Variants in MAP4K4 observed in about 807,000 individuals in gnomAD.
The protein encoded by MAP4K4 is HPK/GCK-like kinase HGK.
A neutral mutation model predicts 189.6 loss-of-function variants in MAP4K4; 38 were observed. The observed-to-expected ratio is 0.20, with a 90% confidence interval of 0.15 to 0.26. The LOEUF (loss-of-function observed/expected upper bound fraction) is 0.26, where lower values mean the gene tolerates loss of function less well. MAP4K4 is among the 10% of genes least tolerant of loss of function. The pLI, the probability that MAP4K4 is intolerant of heterozygous loss-of-function variation, is 1.00. For synonymous variants in MAP4K4, 610 were observed against 624.3 expected (o/e 0.98, Z 0.34); for missense variants, 1,054 against 1,726.9 (o/e 0.61, Z 6.91).
chr2:101,706,594 C>G (rs942673132), intron 2 of MAP4K4, among the ~76,000 whole-genome samples: 2 of 152,188 alleles, frequency 1.3e-5, no homozygotes, highest in African/African-American at 4.8e-5. Context: ...TTTCCAAATG[C>G]TTAATTTAAC....
At chr2:101,794,590 T>C (rs1487263117) in intron 3 of MAP4K4, among the ~76,000 whole-genome samples, 8 of 152,224 alleles carry the variant, frequency 5.3e-5, no homozygotes, top group Non-Finnish European at 1.2e-4. Context: ...ACCATGACAC[T>C]TCACCTGAAA....
intron 2 of MAP4K4, among the ~76,000 whole-genome samples, chr2:101,770,068 G>A (rs1430312015): frequency 6.6e-6 from 1 of 152,074 alleles, no homozygotes; most frequent in Non-Finnish European, 1.5e-5. Flanking sequence ...AGGAGGATGA[G>A]CTCACTTCAT....
At chr2:101,861,709 G>C (rs761313706) in intron 16 of MAP4K4, 1 of 152,150 alleles carries the variant, frequency 6.6e-6, no homozygotes, top group Non-Finnish European at 1.5e-5. Context: ...AACAAGCAAC[G>C]AAGATCATGG....
At chr2:101,785,726 CT>C (rs2090602625) in intron 2 of MAP4K4, among the ~76,000 whole-genome samples, 8 of 8,336 alleles carry the variant, frequency 9.6e-4, no homozygotes, top group South Asian at 4.2e-3. Flanking sequence ...CTCTCTCTCT[CT>C]CTCTCTCTCT....
intron 18 of MAP4K4, 105 bp from the exon 19 acceptor site, chr2:101,866,323 C>T (rs1468198727): frequency 2.8e-6 from 3 of 1,059,136 alleles, no homozygotes; most frequent in Admixed American, 2.6e-5. Context: ...TTTTGTCTCC[C>T]TACACTTTAA....
intron 2 of MAP4K4, among the ~76,000 whole-genome samples, chr2:101,735,591 A>G (rs1408605609): frequency 1.3e-5 from 2 of 152,162 alleles, no homozygotes; most frequent in African/African-American, 4.8e-5. Context: ...AGGTCAAGGC[A>G]AAAAGGTGGG....
chr2:101,781,683 A>T lies in MAP4K4; in HGVS notation c.124-9037A>T, dbSNP rs1033071384. ...AGGCCCCAGCTCCCAACACTGTTGC[A>T]TTGGTAATCAAGTTTTCAACACGTG... On this transcript the variant is annotated intron_variant, in intron 2 of 32. Coordinates refer to ENST00000324219, the Ensembl canonical transcript of MAP4K4. Among the ~76,000 whole-genome samples, 3 of 152,166 alleles carry T rather than the reference A, an allele frequency of 2.0e-5. No homozygotes were observed. The South Asian group carries it at 6.2e-4, about 32-fold the overall frequency.
intron 2 of MAP4K4, among the ~76,000 whole-genome samples, chr2:101,726,355 G>A (rs56380826): frequency 0.015 from 2,255 of 152,278 alleles, 63 homozygotes; most frequent in African/African-American, 0.051. Context: ...AGGCTAAGTG[G>A]TCTGTCATGG....
chr2:101,701,717 CTT>C (rs1394046116), intron 2 of MAP4K4, among the ~76,000 whole-genome samples: 1 of 152,102 alleles, frequency 6.6e-6, no homozygotes, highest in African/African-American at 2.4e-5. Context: ...TACTCATAAA[CTT>C]AAAATTGTAA....
chr2:101,727,662 T>A (rs1368664056), intron 2 of MAP4K4, among the ~76,000 whole-genome samples: 1 of 152,176 alleles, frequency 6.6e-6, no homozygotes, highest in African/African-American at 2.4e-5. Flanking sequence ...TGTTAAAAAC[T>A]GTGAAACAGA....
rs1175388851 is a variant in MAP4K4 at position 101,866,319 on chromosome 2, C to T, written c.2205-109C>T. On this transcript the variant is annotated intron_variant, in intron 18 of 32. Coordinates refer to ENST00000324219, the Ensembl canonical transcript of MAP4K4. The stretch of plus-strand genomic sequence containing the variant: ...GTGCTGTTTATAGACTGTTTTTTGT[C>T]TCCCTACACTTTAAAGACATTGGAT... 12 of 950,086 alleles carry T rather than the reference C, an allele frequency of 1.3e-5. No homozygotes were observed. In the Admixed American group the frequency reaches 2.3e-4, roughly 18 times the overall value. The allele number at this position is 950,086 out of a possible 1,614,324, so 58.9% of individuals were successfully genotyped here.
chr2:101,727,664 T>C (rs1057039430), intron 2 of MAP4K4, among the ~76,000 whole-genome samples: 1 of 152,116 alleles, frequency 6.6e-6, no homozygotes, highest in African/African-American at 2.4e-5. Context: ...TTAAAAACTG[T>C]GAAACAGAAA....
At chr2:101,703,728 T>C (rs987889332) in intron 2 of MAP4K4, among the ~76,000 whole-genome samples, 1 of 151,480 alleles carries the variant, frequency 6.6e-6, no homozygotes, top group African/African-American at 2.4e-5. Flanking sequence ...TAAAAATCAT[T>C]AGGGGCCGGG....
exon 25 of MAP4K4, chr2:101,873,651 A>G (rs951419843): frequency 5.1e-6 from 8 of 1,564,214 alleles, no homozygotes; most frequent in Non-Finnish European, 6.2e-6. Context: ...TTGCAGACTC[A>G]GTCCGCTAGT....
At chr2:101,889,016 T>G in intron 32 of MAP4K4, 81 bp downstream of exon 32, 1 of 1,221,308 alleles carries the variant, frequency 8.2e-7, no homozygotes, top group Non-Finnish European at 1.1e-6. Flanking sequence ...GATGATTAAT[T>G]TCCTTGGAGT....
At chr2:101,774,676 A>G (rs527243155) in intron 2 of MAP4K4, among the ~76,000 whole-genome samples, 1 of 152,220 alleles carries the variant, frequency 6.6e-6, no homozygotes, top group Non-Finnish European at 1.5e-5. Context: ...AAAAACTATC[A>G]TAAAGTTAAA....
intron 32 of MAP4K4, among the ~76,000 whole-genome samples, chr2:101,889,166 G>A (rs2098530274): frequency 6.6e-6 from 1 of 152,122 alleles, no homozygotes; most frequent in Non-Finnish European, 1.5e-5. Context: ...GTTTTGCTTT[G>A]TATATGTATT....
intron 2 of MAP4K4, among the ~76,000 whole-genome samples, chr2:101,749,178 C>T (rs1574838711): frequency 6.6e-6 from 1 of 151,412 alleles, no homozygotes; most frequent in Non-Finnish European, 1.5e-5. Flanking sequence ...TCATATGGAA[C>T]CAAAAAAGAG....
Position 101,812,321 on chromosome 2 carries a change from G to C in MAP4K4, c.181-11607G>C, listed in dbSNP as rs1576037034. ...AGGGAGATGATGATCACAAGACAGG[G>C]AGGACTGTGTTGTTCTTTAGGGAGT... On this transcript the variant is annotated intron_variant, in intron 3 of 32. Transcript: ENST00000324219. Among the ~76,000 whole-genome samples the C allele has an allele frequency of 2.0e-5, 3 of 152,292 alleles. No homozygotes were observed. In the South Asian group the frequency reaches 6.2e-4, roughly 32 times the overall value.
Sources: gnomAD v4.1 joint callset for allele counts (sites outside exome capture counted in the v4.1 genomes callset) on GRCh38, gnomAD v4.1.1 for gene constraint, MANE v1.5 for transcripts, NCBI Gene and HGNC (gene_info 2026-07-23, HGNC 2026-07-21) for gene names.